PALM2AKAP2: variants seen among roughly 807,000 people sequenced by gnomAD.
PALM2AKAP2 encodes the protein PALM2-AKAP2 fusion protein.
PALM2AKAP2 carries 37 observed loss-of-function variants against 71.5 expected under a neutral mutation model. That is an observed-to-expected ratio of 0.52 (90% CI 0.40 to 0.68). The LOEUF (loss-of-function observed/expected upper bound fraction) is 0.68. Ranked by LOEUF, PALM2AKAP2 falls within the 30% of genes least tolerant of loss-of-function variation. The probability of loss-of-function intolerance (pLI) is 0.00; values close to 1 mark genes in which losing one functional copy is unlikely to be tolerated. For missense variants in PALM2AKAP2, 1,224 were observed against 1,191.8 expected (o/e 1.03, Z -0.40); for synonymous variants, 468 against 478.8 (o/e 0.98, Z 0.29).
At chr9:109,896,248 C>G (rs571166954) in intron 3 of PALM2AKAP2, among the ~76,000 whole-genome samples, 1 of 152,210 alleles carries the variant, frequency 6.6e-6, no homozygotes, top group African/African-American at 2.4e-5. Flanking sequence ...ATCACGAGAA[C>G]AGTATGAGGG....
At chr9:109,833,973 G>T (rs952137962) in intron 1 of PALM2AKAP2, among the ~76,000 whole-genome samples, 1 of 152,234 alleles carries the variant, frequency 6.6e-6, no homozygotes, top group East Asian at 1.9e-4. Context: ...AGGACTTCGG[G>T]AGGCCAAGGC....
At chr9:110,051,111 G>A (rs1027973167) in intron 1 of PALM2AKAP2, among the ~76,000 whole-genome samples, 5 of 152,222 alleles carry the variant, frequency 3.3e-5, no homozygotes, top group African/African-American at 1.2e-4. Context: ...TTTCTGGGAT[G>A]CTGAGATGCT....
intron 1 of PALM2AKAP2, among the ~76,000 whole-genome samples, chr9:110,134,157 C>T (rs1460370752): frequency 6.6e-6 from 1 of 151,704 alleles, no homozygotes; most frequent in African/African-American, 2.4e-5. Flanking sequence ...TGGTAATGCC[C>T]ACCTGTAGTC....
chr9:110,076,449 A>G (rs1834322574), intron 1 of PALM2AKAP2, among the ~76,000 whole-genome samples: 3 of 142,674 alleles, frequency 2.1e-5, no homozygotes, highest in South Asian at 2.2e-4. Flanking sequence ...TAGCATAGGT[A>G]TATAGGCTCC....
intron 1 of PALM2AKAP2, among the ~76,000 whole-genome samples, chr9:109,652,723 T>C (rs1240643444): frequency 6.6e-6 from 1 of 152,252 alleles, no homozygotes; most frequent in Non-Finnish European, 1.5e-5. Context: ...CAGACACTTT[T>C]ATGGGTATCT....
chr9:110,022,216 T>C (rs562699707), intron 7 of PALM2AKAP2, among the ~76,000 whole-genome samples: 1 of 152,226 alleles, frequency 6.6e-6, no homozygotes, highest in African/African-American at 2.4e-5. Flanking sequence ...ACTTGTAGCC[T>C]GGATACTGTA....
chr9:109,731,595 G>A (rs1055461374), intron 1 of PALM2AKAP2, among the ~76,000 whole-genome samples: 3 of 151,972 alleles, frequency 2.0e-5, no homozygotes, highest in African/African-American at 7.3e-5. Flanking sequence ...GGACATTAGG[G>A]GTGAGTTATG....
chr9:109,965,722 G>A (rs991660002), intron 6 of PALM2AKAP2, among the ~76,000 whole-genome samples: 1 of 152,026 alleles, frequency 6.6e-6, no homozygotes, highest in Non-Finnish European at 1.5e-5. Flanking sequence ...GTGGTAAATG[G>A]TATTATGTAT....
At chr9:109,766,245 C>G (rs1224722052) in intron 1 of PALM2AKAP2, among the ~76,000 whole-genome samples, 2 of 152,068 alleles carry the variant, frequency 1.3e-5, no homozygotes, top group African/African-American at 4.8e-5. Context: ...AGTCAATGAC[C>G]CTGCCCAGTG....
chr9:110,013,207 G>C (rs544999770), intron 6 of PALM2AKAP2, among the ~76,000 whole-genome samples: 1 of 152,252 alleles, frequency 6.6e-6, no homozygotes, highest in South Asian at 2.1e-4. Context: ...CACCTCTTAA[G>C]CCCATTTCAA....
chr9:109,668,606 G>T lies in PALM2AKAP2; in HGVS notation c.5+27740G>T, dbSNP rs75123407. Among the ~76,000 whole-genome samples, 914 of 152,306 alleles carry T rather than the reference G, an allele frequency of 6.0e-3. 8 individuals carry two copies. Among genetic ancestry groups the T allele is most frequent in the Non-Finnish European group, 7.2e-3 (487 of 68,020 alleles). On this transcript the variant is annotated intron_variant, in intron 1 of 6. Transcript: ENST00000374531. ...AGGATACATAAAAGGAAAATCCATTGTCTGGGGCACATAGAGTCTGTCTGT... is the reference window on the plus strand; with the variant it reads ...AGGATACATAAAAGGAAAATCCATTTTCTGGGGCACATAGAGTCTGTCTGT...
In PALM2AKAP2 at chr9:109,700,790, C is replaced by T. The variant is rs1587873236; in HGVS notation, c.5+59924C>T. 1.3e-5 allele frequency among the ~76,000 whole-genome samples: 2 copies of T among 152,294 alleles called. 1 individual carries two copies. Among genetic ancestry groups the T allele is most frequent in the Non-Finnish European group, 2.9e-5 (2 of 68,020 alleles). Reference sequence around the variant, plus strand: ...TTTGGATGCTTCATATCCTTTTAATCCAGGAAAGCAGATGTATTATTTCTC... The same window carrying T: ...TTTGGATGCTTCATATCCTTTTAATTCAGGAAAGCAGATGTATTATTTCTC... On this transcript the variant is annotated intron_variant, in intron 1 of 6. Coordinates refer to the PALM2AKAP2 transcript ENST00000374531.
chr9:110,044,344 CTT>C (rs57314430), upstream of PALM2AKAP2, among the ~76,000 whole-genome samples: 1 of 80,152 alleles, frequency 1.2e-5, no homozygotes, highest in African/African-American at 5.6e-5. Context: ...TTCTTTCTTT[CTT>C]TTTTTTTTTT....
intron 1 of PALM2AKAP2, among the ~76,000 whole-genome samples, chr9:110,075,077 C>T (rs115173309): frequency 0.013 from 2,037 of 152,124 alleles, 37 homozygotes; most frequent in African/African-American, 0.047. Context: ...GTCTTGAATG[C>T]GGGCACAATT....
intron 1 of PALM2AKAP2, among the ~76,000 whole-genome samples, chr9:109,649,504 A>G (rs555210136): frequency 1.3e-5 from 2 of 152,352 alleles, no homozygotes; most frequent in South Asian, 4.1e-4. Context: ...ACTTTTTAAA[A>G]TAAAGAGTTC....
At chr9:110,023,062 A>T (rs1833103044) in intron 7 of PALM2AKAP2, among the ~76,000 whole-genome samples, 1 of 152,034 alleles carries the variant, frequency 6.6e-6, no homozygotes, top group East Asian at 1.9e-4. Context: ...TCTTTATAGC[A>T]GCATGATTTA....
At chr9:110,070,337 T>C (rs1235048553) in intron 1 of PALM2AKAP2, among the ~76,000 whole-genome samples, 1 of 152,232 alleles carries the variant, frequency 6.6e-6, no homozygotes, top group Non-Finnish European at 1.5e-5. Context: ...GATCTTCTCT[T>C]TCTACTTTAA....
intron 1 of PALM2AKAP2, among the ~76,000 whole-genome samples, chr9:109,840,203 A>G (rs1828615985): frequency 6.6e-6 from 1 of 152,234 alleles, no homozygotes; most frequent in African/African-American, 2.4e-5. Context: ...GCCCTCAGAA[A>G]TAATACCACA....
At chr9:110,048,535 G>T, upstream of PALM2AKAP2, 1 of 645,952 alleles carries the variant, frequency 1.5e-6, no homozygotes, top group Non-Finnish European at 2.5e-6. Flanking sequence ...AAGCCACTGA[G>T]AGGAGAAGGT....
Sources: gnomAD v4.1 joint callset for allele counts (sites outside exome capture counted in the v4.1 genomes callset) on GRCh38, gnomAD v4.1.1 for gene constraint, MANE v1.5 for transcripts, NCBI Gene and HGNC (gene_info 2026-07-23, HGNC 2026-07-21) for gene names.